ANKS1B: variants seen among roughly 807,000 people sequenced by gnomAD.
ANKS1B encodes ankyrin repeat and sterile alpha motif domain-containing protein 1B.
ANKS1B carries 36 observed loss-of-function variants against 148.3 expected under a neutral mutation model. The observed-to-expected ratio is 0.24, with a 90% CI of 0.19 to 0.32. The LOEUF (loss-of-function observed/expected upper bound fraction) is 0.32. Ranked by LOEUF, ANKS1B falls within the 10% of genes least tolerant of loss-of-function variation. ANKS1B has a pLI of 1.00. For missense variants in ANKS1B, 1,157 were observed against 1,542.6 expected (o/e 0.75, Z 4.19); for synonymous variants, 542 against 560.8 (o/e 0.97, Z 0.47).
chr12:99,872,448 G>C (rs948471957), intron 1 of ANKS1B, among the ~76,000 whole-genome samples: 3 of 152,022 alleles, frequency 2.0e-5, no homozygotes, highest in Non-Finnish European at 4.4e-5. Context: ...AAAATAAGGA[G>C]AGAAAATCAC....
At chr12:98,968,379 C>T (rs2099880379) in intron 17 of ANKS1B, among the ~76,000 whole-genome samples, 1 of 152,168 alleles carries the variant, frequency 6.6e-6, no homozygotes, top group South Asian at 2.1e-4. Flanking sequence ...ACTCAGGAAT[C>T]TGTGTCTTAA....
chr12:99,055,085 G>A (rs2099968696), intron 16 of ANKS1B, among the ~76,000 whole-genome samples: 2 of 152,216 alleles, frequency 1.3e-5, no homozygotes, highest in Non-Finnish European at 2.9e-5. Context: ...TGTTATGTAT[G>A]TATAAGATCA....
chr12:98,981,461 G>A (rs1215896607), intron 17 of ANKS1B, among the ~76,000 whole-genome samples: 1 of 152,056 alleles, frequency 6.6e-6, no homozygotes, highest in Admixed American at 6.5e-5. Flanking sequence ...TCAGCCTCCC[G>A]AGTAGCTGCA....
In ANKS1B at chr12:99,611,527, T is replaced by C. The variant is rs1040536406; in HGVS notation, c.1272+43540A>G. Among the ~76,000 whole-genome samples the C allele has an allele frequency of 2.4e-4, 37 of 152,122 alleles. 1 individual carries two copies. The highest frequency in any genetic ancestry group is 5.9e-4 in the Admixed American group (9 of 15,242). ...TCCCTGTTTATAAAATTAAAAACACTGAATCTGATAGCAAATAACCTGAGG... is the reference window on the plus strand; with the variant it reads ...TCCCTGTTTATAAAATTAAAAACACCGAATCTGATAGCAAATAACCTGAGG... On this transcript the variant is annotated intron_variant, in intron 9 of 26. Coordinates refer to ENST00000683438, the MANE Select transcript of ANKS1B (RefSeq NM_001352186.2).
At chr12:99,198,434 G>C (rs1017292723) in intron 14 of ANKS1B, among the ~76,000 whole-genome samples, 5 of 152,094 alleles carry the variant, frequency 3.3e-5, no homozygotes, top group Non-Finnish European at 5.9e-5. Flanking sequence ...ATAGCACTAG[G>C]GATTTAACTT....
At chr12:98,794,945 A>G in intron 22 of ANKS1B, 1 of 1,240,566 alleles carries the variant, frequency 8.1e-7, no homozygotes. Context: ...CTACAAGAGG[A>G]TGTGGACATG....
chr12:99,918,499 G>A (rs1483852736), intron 1 of ANKS1B, among the ~76,000 whole-genome samples: 3 of 152,150 alleles, frequency 2.0e-5, no homozygotes, highest in Non-Finnish European at 2.9e-5. Flanking sequence ...ACCTTATATT[G>A]AGGAATGAGG....
intron 8 of ANKS1B, among the ~76,000 whole-genome samples, chr12:99,704,412 C>A (rs76256481): frequency 2.8e-4 from 42 of 152,124 alleles, no homozygotes; most frequent in African/African-American, 9.6e-4. Context: ...CTAACTTACC[C>A]AAGACACTTC....
At chr12:99,928,281 T>A (rs557922642) in intron 1 of ANKS1B, among the ~76,000 whole-genome samples, 3,187 of 147,012 alleles carry the variant, frequency 0.022, 66 homozygotes, top group African/African-American at 0.057. Context: ...ATTTTTTTTT[T>A]TTTTTTTTGA....
At chr12:98,887,495 T>C (rs1485679055) in intron 17 of ANKS1B, among the ~76,000 whole-genome samples, 1 of 152,238 alleles carries the variant, frequency 6.6e-6, no homozygotes, top group African/African-American at 2.4e-5. Flanking sequence ...ACATTTTTCA[T>C]CGTATTTTTT....
intron 22 of ANKS1B, among the ~76,000 whole-genome samples, chr12:98,789,681 A>G (rs998709629): frequency 1.3e-5 from 2 of 152,232 alleles, no homozygotes; most frequent in Non-Finnish European, 2.9e-5. Context: ...AAAGGGTGTT[A>G]CCCATAGTAC....
intron 9 of ANKS1B, among the ~76,000 whole-genome samples, chr12:99,615,378 A>G (rs1301886148): frequency 6.6e-6 from 1 of 152,322 alleles, no homozygotes; most frequent in Admixed American, 6.5e-5. Context: ...TTTACTTTGC[A>G]GAATACTTAC....
intron 10 of ANKS1B, among the ~76,000 whole-genome samples, chr12:99,464,937 G>A (rs916407967): frequency 6.6e-6 from 1 of 152,128 alleles, no homozygotes. Flanking sequence ...AGGAAATACA[G>A]AGAACACCAC....
At chr12:99,030,818 C>G (rs1411802925) in intron 17 of ANKS1B, among the ~76,000 whole-genome samples, 1 of 152,082 alleles carries the variant, frequency 6.6e-6, no homozygotes, top group Non-Finnish European at 1.5e-5. Flanking sequence ...TTGATCAGAC[C>G]CTACCACTCC....
intron 12 of ANKS1B, among the ~76,000 whole-genome samples, chr12:99,389,550 T>C (rs1323197894): frequency 6.6e-6 from 1 of 152,174 alleles, no homozygotes; most frequent in East Asian, 1.9e-4. Context: ...TGATCACACA[T>C]ATATCACACA....
intron 15 of ANKS1B, among the ~76,000 whole-genome samples, chr12:99,141,199 C>T (rs1010925005): frequency 1.3e-5 from 2 of 152,136 alleles, no homozygotes; most frequent in African/African-American, 4.8e-5. Flanking sequence ...AAATTCTTCC[C>T]TTTGCCCCAC....
At chr12:99,383,650 C>T (rs558610346) in intron 12 of ANKS1B, among the ~76,000 whole-genome samples, 49 of 152,098 alleles carry the variant, frequency 3.2e-4, no homozygotes, top group Non-Finnish European at 3.2e-4. Flanking sequence ...ATTAAAAATG[C>T]TTTCTTGCCA....
At chr12:99,591,216 G>C (rs1050857272) in intron 9 of ANKS1B, among the ~76,000 whole-genome samples, 2 of 151,838 alleles carry the variant, frequency 1.3e-5, no homozygotes, top group Admixed American at 1.3e-4. Flanking sequence ...TGAGAATTAT[G>C]AAATTTTCTT....
intron 10 of ANKS1B, among the ~76,000 whole-genome samples, chr12:99,503,685 C>T (rs1412384386): frequency 2.6e-5 from 4 of 152,092 alleles, no homozygotes; most frequent in Admixed American, 2.6e-4. Flanking sequence ...CCCAATGTCT[C>T]ACTATTAACT....
Sources: gnomAD v4.1 joint callset for allele counts (sites outside exome capture counted in the v4.1 genomes callset) on GRCh38, gnomAD v4.1.1 for gene constraint, MANE v1.5 for transcripts, NCBI Gene and HGNC (gene_info 2026-07-23, HGNC 2026-07-21) for gene names.